Variants in PRKG1 observed in about 807,000 individuals in gnomAD.
PRKG1 encodes the protein cGMP-dependent protein kinase 1.
PRKG1 carries 35 observed loss-of-function variants against 88.1 expected under a neutral mutation model. That is an observed-to-expected ratio of 0.40 (90% CI 0.30 to 0.53). The LOEUF is 0.53. Among genes scored for constraint, PRKG1 ranks in the 20% least tolerant of loss-of-function variants. The pLI, the probability that PRKG1 is intolerant of heterozygous loss-of-function variation, is 0.59. For missense variants in PRKG1, 540 were observed against 839.8 expected (o/e 0.64, Z 4.41); for synonymous variants, 303 against 292.5 (o/e 1.04, Z -0.37).
intron 10 of PRKG1, among the ~76,000 whole-genome samples, chr10:52,270,568 C>T (rs1427734263): frequency 3.3e-5 from 5 of 151,820 alleles, no homozygotes; most frequent in South Asian, 2.1e-4. Flanking sequence ...ATGTCCTTTG[C>T]AGGGACATGG....
At chr10:51,313,875 A>G (rs1841255155) in intron 2 of PRKG1, among the ~76,000 whole-genome samples, 2 of 152,204 alleles carry the variant, frequency 1.3e-5, no homozygotes, top group Admixed American at 1.3e-4. Context: ...GCACACGGCA[A>G]ATTCAAGTTT....
At chr10:51,020,169 T>G (rs1335848449) in intron 1 of PRKG1, among the ~76,000 whole-genome samples, 1 of 152,216 alleles carries the variant, frequency 6.6e-6, no homozygotes, top group Non-Finnish European at 1.5e-5. Context: ...ATTATTTTTA[T>G]TTTTTATTTT....
chr10:51,085,191 G>C (rs896112513), intron 1 of PRKG1, among the ~76,000 whole-genome samples: 12 of 152,202 alleles, frequency 7.9e-5, no homozygotes, highest in African/African-American at 2.7e-4. Flanking sequence ...TGCTGTAAAA[G>C]GAAGCACAGC....
chr10:51,773,872 C>A (rs73347249), intron 3 of PRKG1, among the ~76,000 whole-genome samples: 1 of 151,974 alleles, frequency 6.6e-6, no homozygotes. Flanking sequence ...GATTCAGAAG[C>A]CTTAGTTCCC....
chr10:52,056,403 C>A (rs1224709956), intron 6 of PRKG1, among the ~76,000 whole-genome samples: 1 of 152,192 alleles, frequency 6.6e-6, no homozygotes, highest in Non-Finnish European at 1.5e-5. Context: ...AGATGGATTT[C>A]TGACAGTCTT....
In PRKG1 at chr10:51,446,675, T is replaced by C. The variant is rs756728631; in HGVS notation, c.479-21048T>C. On this transcript the variant is annotated intron_variant, in intron 2 of 17. Coordinates refer to ENST00000373980, the MANE Select transcript of PRKG1 (RefSeq NM_006258.4). ...AACAACGGTCCTTGCTAATTAGATG[T>C]GATCTTCATCCTTTCGTTCAGGTTC... 9.9e-4 allele frequency among the ~76,000 whole-genome samples: 151 copies of C among 152,210 alleles called. 1 individual carries two copies. The highest frequency in any genetic ancestry group is 1.6e-3 in the Non-Finnish European group (109 of 67,974).
At position 51,302,380 on chromosome 10, in the gene PRKG1, C is replaced by T. The variant is rs766010797; in HGVS notation, c.478+149050C>T. Among the ~76,000 whole-genome samples the T allele has an allele frequency of 4.3e-4, 66 of 152,178 alleles. 1 individual carries two copies. The highest frequency in any genetic ancestry group is 3.4e-3 in the Middle Eastern group (1 of 294). On this transcript the variant is annotated intron_variant, in intron 2 of 17. Transcript: ENST00000373980. ...AATTTGAGATAAAGAGTTATTTGCT[C>T]ACTAGATTTTATTCACTTGGCACCT...
intron 3 of PRKG1, among the ~76,000 whole-genome samples, chr10:51,511,217 T>G (rs1212235999): frequency 1.3e-5 from 2 of 152,158 alleles, no homozygotes; most frequent in Non-Finnish European, 2.9e-5. Context: ...AAATAAGGCT[T>G]GTTGCGGGGG....
chr10:51,001,421 G>A (rs188296128), intron 1 of PRKG1, among the ~76,000 whole-genome samples: 1 of 152,264 alleles, frequency 6.6e-6, no homozygotes, highest in African/African-American at 2.4e-5. Flanking sequence ...AAAAAGTTTG[G>A]AAGGGAAAAA....
At chr10:52,096,157 T>C (rs1327162869) in intron 7 of PRKG1, among the ~76,000 whole-genome samples, 1 of 152,214 alleles carries the variant, frequency 6.6e-6, no homozygotes, top group Non-Finnish European at 1.5e-5. Flanking sequence ...TTTTGTACTC[T>C]CTGGTGCTAC....
At chr10:51,716,904 G>A (rs542343094) in intron 3 of PRKG1, among the ~76,000 whole-genome samples, 201 of 152,240 alleles carry the variant, frequency 1.3e-3, no homozygotes, top group Middle Eastern at 6.8e-3. Context: ...CACTATGTTG[G>A]CCAGGCTGAT....
Position 51,686,964 on chromosome 10 carries a change from T to C in PRKG1, c.593-117621T>C, listed in dbSNP as rs577630006. Among the ~76,000 whole-genome samples the C allele has an allele frequency of 3.3e-5, 5 of 152,252 alleles. No homozygotes were observed. The South Asian group carries it at 1.0e-3, about 31-fold the overall frequency. On this transcript the variant is annotated intron_variant, in intron 3 of 17. Transcript: ENST00000373980. Reference sequence around the variant, plus strand: ...ATTGGCCAGGCAGGTCTCAAACTCCTGATCCCAAGTAATTTGCCCACCTCA... The same window carrying C: ...ATTGGCCAGGCAGGTCTCAAACTCCCGATCCCAAGTAATTTGCCCACCTCA...
intron 3 of PRKG1, among the ~76,000 whole-genome samples, chr10:51,525,346 G>A (rs1048653055): frequency 2.0e-5 from 3 of 152,176 alleles, no homozygotes; most frequent in South Asian, 2.1e-4. Context: ...TTGAAAGTAG[G>A]CTCTAAATGT....
intron 2 of PRKG1, among the ~76,000 whole-genome samples, chr10:51,407,466 A>G (rs963690091): frequency 3.9e-5 from 6 of 152,178 alleles, no homozygotes; most frequent in African/African-American, 1.4e-4. Context: ...AAATGAAGAT[A>G]TTTTCTTGGT....
chr10:51,006,584 C>A (rs1461149506), intron 1 of PRKG1, among the ~76,000 whole-genome samples: 1 of 152,070 alleles, frequency 6.6e-6, no homozygotes, highest in East Asian at 1.9e-4. Flanking sequence ...TAGCTCTGAC[C>A]CTATTTTCGG....
At chr10:52,140,199 T>C (rs1008908704) in intron 8 of PRKG1, among the ~76,000 whole-genome samples, 3 of 152,206 alleles carry the variant, frequency 2.0e-5, no homozygotes, top group Non-Finnish European at 4.4e-5. Context: ...ACTTAAACAA[T>C]ATTAGAAAGT....
intron 2 of PRKG1, among the ~76,000 whole-genome samples, chr10:51,421,286 C>T (rs1024234669): frequency 2.0e-5 from 3 of 152,156 alleles, no homozygotes; most frequent in African/African-American, 7.2e-5. Context: ...ATTTTCCCAC[C>T]TCAGCCTCCC....
At chr10:51,956,294 A>C (rs1464917010) in intron 5 of PRKG1, among the ~76,000 whole-genome samples, 2 of 152,020 alleles carry the variant, frequency 1.3e-5, no homozygotes, top group Non-Finnish European at 2.9e-5. Context: ...TTTATTGGAC[A>C]CAAGTTTCCA....
chr10:51,249,269 G>T (rs111758818), intron 2 of PRKG1, among the ~76,000 whole-genome samples: 3,112 of 151,838 alleles, frequency 0.02, 44 homozygotes, highest in Middle Eastern at 0.044. Context: ...TCATCCCCAT[G>T]GACCCAAATC....
Sources: allele counts gnomAD v4.1 joint callset (sites outside exome capture counted in the v4.1 genomes callset), GRCh38; gene constraint gnomAD v4.1.1; transcripts MANE v1.5; gene names NCBI Gene and HGNC (gene_info 2026-07-23, HGNC 2026-07-21).